Variants in SORCS3 observed in about 807,000 individuals in gnomAD.
SORCS3 encodes VPS10 domain-containing receptor SorCS3.
In SORCS3, 57 loss-of-function variants were observed where a neutral mutation model predicts 146.3. The ratio of observed to expected loss-of-function variants is 0.39; its 90% CI spans 0.31 to 0.49. The LOEUF (loss-of-function observed/expected upper bound fraction) is 0.49. Among genes scored for constraint, SORCS3 ranks in the 20% least tolerant of loss-of-function variants. The probability of loss-of-function intolerance (pLI) is 0.92; values close to 1 mark genes in which losing one functional copy is unlikely to be tolerated. For synonymous variants in SORCS3, 653 were observed against 618.5 expected (o/e 1.06, Z -0.83); for missense variants, 1,341 against 1,575.5 (o/e 0.85, Z 2.52).
chr10:104,763,977 A>G (rs1035346175), intron 1 of SORCS3, among the ~76,000 whole-genome samples: 2 of 147,980 alleles, frequency 1.4e-5, no homozygotes, highest in African/African-American at 5.0e-5. Context: ...CTCCCCAGCC[A>G]TGCAGAACTA....
At chr10:105,010,204 A>G (rs2055125839) in intron 4 of SORCS3, among the ~76,000 whole-genome samples, 1 of 152,202 alleles carries the variant, frequency 6.6e-6, no homozygotes, top group Non-Finnish European at 1.5e-5. Flanking sequence ...CCTTAAGAGG[A>G]GCTCATGAAG....
At chr10:104,699,576 T>G (rs1166697910) in intron 1 of SORCS3, among the ~76,000 whole-genome samples, 1 of 152,126 alleles carries the variant, frequency 6.6e-6, no homozygotes, top group Non-Finnish European at 1.5e-5. Flanking sequence ...GAAAAGACCT[T>G]AGAAAACTAC....
intron 1 of SORCS3, among the ~76,000 whole-genome samples, chr10:104,744,211 C>G (rs2016882178): frequency 6.6e-6 from 1 of 152,158 alleles, no homozygotes; most frequent in Non-Finnish European, 1.5e-5. Flanking sequence ...TCCTCTAAAA[C>G]AGCTGCTTAA....
intron 20 of SORCS3, among the ~76,000 whole-genome samples, chr10:105,228,021 G>A (rs1272543835): frequency 6.7e-6 from 1 of 150,210 alleles, no homozygotes; most frequent in Non-Finnish European, 1.5e-5. Flanking sequence ...GTGTGTGTGT[G>A]TGTGTGTGTG....
At chr10:105,177,762 G>A (rs2056416248) in intron 13 of SORCS3, among the ~76,000 whole-genome samples, 1 of 152,036 alleles carries the variant, frequency 6.6e-6, no homozygotes, top group Admixed American at 6.5e-5. Context: ...TGAACCTCAG[G>A]TTCCATTCTG....
intron 19 of SORCS3, among the ~76,000 whole-genome samples, chr10:105,222,696 C>A (rs2056711068): frequency 6.6e-6 from 1 of 152,136 alleles, no homozygotes; most frequent in African/African-American, 2.4e-5. Context: ...GAGATGGAAA[C>A]CCATTAACAA....
chr10:105,199,137 G>A (rs2056560156), intron 14 of SORCS3, among the ~76,000 whole-genome samples: 1 of 152,104 alleles, frequency 6.6e-6, no homozygotes, highest in Admixed American at 6.6e-5. Context: ...TAAGTTCGCA[G>A]CATGATCGGT....
Position 105,139,436 on chromosome 10 carries a change from C to T in SORCS3, c.1252C>T (p.Arg418Ter), listed in dbSNP as rs371068614. The change falls in exon 8 of 27, where the codon CGA becomes TGA. Residue 418 changes from arginine (R) to a stop codon, truncating the protein, a stop_gained. Transcript: ENST00000369701. LOFTEE classifies it high-confidence loss of function. ...AAGAGCCAGCTACTACGTGTCTTAT[C>T]GAAGAGAGGCCTTTGCTCAGATAAA... is the stretch of plus-strand genomic sequence containing the variant. ...SGRASYYVSY[R>*]REAFAQIKLP... is the part of the protein sequence containing the mutation. The T allele has an allele frequency of 3.7e-6, 6 of 1,613,622 alleles. No individual in the cohort carries two copies. The highest frequency in any genetic ancestry group is 5.1e-6 in the Non-Finnish European group (6 of 1,179,632).
At chr10:105,176,641 G>T (rs1284821780) in intron 13 of SORCS3, among the ~76,000 whole-genome samples, 3 of 152,010 alleles carry the variant, frequency 2.0e-5, no homozygotes, top group African/African-American at 7.2e-5. Flanking sequence ...GGGTTACGAG[G>T]CCAGAAGATC....
At chr10:105,201,568 A>G (rs1274064658) in intron 16 of SORCS3, among the ~76,000 whole-genome samples, 1 of 152,160 alleles carries the variant, frequency 6.6e-6, no homozygotes, top group African/African-American at 2.4e-5. Context: ...GCATTGACAG[A>G]GGTTAGAGAG....
intron 1 of SORCS3, among the ~76,000 whole-genome samples, chr10:104,801,981 T>C (rs2017629515): frequency 6.6e-6 from 1 of 152,216 alleles, no homozygotes; most frequent in African/African-American, 2.4e-5. Context: ...TACTTCCCAT[T>C]GCCAGCTCAC....
intron 7 of SORCS3, among the ~76,000 whole-genome samples, chr10:105,133,910 A>G (rs2056039449): frequency 6.6e-6 from 1 of 152,180 alleles, no homozygotes; most frequent in African/African-American, 2.4e-5. Context: ...GTGAACCATG[A>G]TTGTACCACT....
intron 4 of SORCS3, among the ~76,000 whole-genome samples, chr10:104,981,790 G>A (rs114503674): frequency 1.6e-3 from 244 of 152,286 alleles, no homozygotes; most frequent in African/African-American, 5.8e-3. Context: ...GAGATGGAGA[G>A]CTGAAAATAG....
intron 3 of SORCS3, among the ~76,000 whole-genome samples, chr10:104,925,909 A>G (rs570335000): frequency 1.3e-5 from 2 of 152,360 alleles, no homozygotes; most frequent in South Asian, 2.1e-4. Flanking sequence ...GAGCCTTTCC[A>G]TGGCAAAAAA....
chr10:104,863,156 G>A (rs2018423891), intron 2 of SORCS3, among the ~76,000 whole-genome samples: 1 of 152,184 alleles, frequency 6.6e-6, no homozygotes, highest in Admixed American at 6.5e-5. Context: ...CAAATGGGCA[G>A]GCCCTGTTCA....
chr10:104,964,939 G>A lies in SORCS3; in HGVS notation c.796-12396G>A, dbSNP rs558566553. On this transcript the variant is annotated intron_variant, in intron 3 of 26. Coordinates refer to ENST00000369701, the MANE Select transcript of SORCS3 (RefSeq NM_014978.3). ...GTCATTATGATTTTGACTACCTTAA[G>A]TACCCCATATAAGTGCAATCATATA... Among the ~76,000 whole-genome samples, 9 of 152,042 alleles carry A rather than the reference G, an allele frequency of 5.9e-5. No homozygotes were observed. The South Asian group carries it at 1.9e-3, about 32-fold the overall frequency.
chr10:105,146,125 T>G (rs971854596), intron 8 of SORCS3, among the ~76,000 whole-genome samples: 1 of 152,146 alleles, frequency 6.6e-6, no homozygotes, highest in Non-Finnish European at 1.5e-5. Flanking sequence ...TGCTATCTAT[T>G]ACTCTTTGGC....
intron 5 of SORCS3, among the ~76,000 whole-genome samples, chr10:105,061,784 A>G (rs1009454721): frequency 3.3e-5 from 5 of 152,164 alleles, no homozygotes; most frequent in African/African-American, 1.2e-4. Flanking sequence ...AGCTGATCCT[A>G]TAGCACTTGT....
intron 2 of SORCS3, among the ~76,000 whole-genome samples, chr10:104,901,143 T>C (rs2018847128): frequency 6.6e-6 from 1 of 152,188 alleles, no homozygotes; most frequent in Non-Finnish European, 1.5e-5. Flanking sequence ...ACCATCATCA[T>C]CATATTAATA....
Sources: gnomAD v4.1 joint callset for allele counts (sites outside exome capture counted in the v4.1 genomes callset) on GRCh38, gnomAD v4.1.1 for gene constraint, MANE v1.5 for transcripts, NCBI Gene and HGNC (gene_info 2026-07-23, HGNC 2026-07-21) for gene names.